The following PIK3C2G variants were observed in gnomAD, a reference collection of about 807,000 sequenced individuals.
The protein encoded by PIK3C2G is phosphatidylinositol 3-kinase C2 domain-containing subunit gamma.
A neutral mutation model predicts 181.1 loss-of-function variants in PIK3C2G; 168 were observed. That is an observed-to-expected ratio of 0.93 (90% CI 0.82 to 1.05). PIK3C2G has a LOEUF of 1.05. Ranked by LOEUF, PIK3C2G falls within the 50% of genes least tolerant of loss-of-function variation. The pLI is 0.00. For synonymous variants in PIK3C2G, 573 were observed against 592.2 expected, an observed-to-expected ratio of 0.97 and a Z score of 0.47; for missense variants, 1,869 against 1,732.8, an observed-to-expected ratio of 1.08 and a Z score of -1.40.
At chr12:18,641,522 C>T (rs2136802288) in intron 32 of PIK3C2G, among the ~76,000 whole-genome samples, 1 of 152,016 alleles carries the variant, frequency 6.6e-6, no homozygotes, top group African/African-American at 2.4e-5. Context: ...ACTTATTTCT[C>T]TACCACTTAT....
In PIK3C2G at chr12:18,322,112, C is replaced by T. The variant is rs149358996; in HGVS notation, c.1208+1080C>T. Among the ~76,000 whole-genome samples the T allele has an allele frequency of 1.5e-3, 232 of 152,226 alleles. 1 individual carries two copies. The highest frequency in any genetic ancestry group is 5.2e-3 in the African/African-American group (214 of 41,528). ...AAAATAAAATAAAATTGGCCAAGTGCGGTGGCTCACGCTTGTAATCCCAGC... is the reference window on the plus strand; with the variant it reads ...AAAATAAAATAAAATTGGCCAAGTGTGGTGGCTCACGCTTGTAATCCCAGC... On this transcript the variant is annotated intron_variant, in intron 7 of 32. Transcript: ENST00000538779.
chr12:18,705,626 G>A, the PIK3C2G span, among the ~76,000 whole-genome samples: 2 of 152,206 alleles, frequency 1.3e-5, no homozygotes, highest in South Asian at 2.1e-4. Context: ...AGCACTTTGG[G>A]AGGCTGAGGC....
At chr12:18,521,157 C>A (rs1481827694) in intron 24 of PIK3C2G, among the ~76,000 whole-genome samples, 2 of 152,068 alleles carry the variant, frequency 1.3e-5, no homozygotes, top group African/African-American at 4.8e-5. Flanking sequence ...GGGGCACTGA[C>A]CTGATGCCAT....
intron 29 of PIK3C2G, among the ~76,000 whole-genome samples, chr12:18,580,455 G>T (rs1946439711): frequency 6.6e-6 from 1 of 152,120 alleles, no homozygotes; most frequent in Non-Finnish European, 1.5e-5. Flanking sequence ...TATGTTTCTT[G>T]TTCCCTGCTT....
chr12:18,628,885 AG>A (rs1407655274), intron 31 of PIK3C2G, among the ~76,000 whole-genome samples: 4 of 152,122 alleles, frequency 2.6e-5, no homozygotes, highest in Non-Finnish European at 2.9e-5. Flanking sequence ...TGAGCCAGAG[AG>A]TTGGAAGCCA....
At chr12:18,575,634 C>T (rs1211682758) in intron 29 of PIK3C2G, among the ~76,000 whole-genome samples, 1 of 152,030 alleles carries the variant, frequency 6.6e-6, no homozygotes, top group Non-Finnish European at 1.5e-5. Context: ...CAACTAATTC[C>T]AAGTGAGGTA....
intron 8 of PIK3C2G, among the ~76,000 whole-genome samples, chr12:18,327,758 T>C (rs1422293868): frequency 6.6e-6 from 1 of 151,770 alleles, no homozygotes; most frequent in Non-Finnish European, 1.5e-5. Context: ...AAGAGAATCC[T>C]CCCCCCCAAG....
chr12:18,650,352 T>C (rs1233890077), downstream of PIK3C2G, among the ~76,000 whole-genome samples: 1 of 89,716 alleles, frequency 1.1e-5, no homozygotes, highest in Non-Finnish European at 2.2e-5. Context: ...TATATATGTG[T>C]GTGTGTGTGT....
chr12:18,710,956 C>T, the PIK3C2G span, among the ~76,000 whole-genome samples: 12 of 151,966 alleles, frequency 7.9e-5, no homozygotes. Context: ...CTAGTTCAAC[C>T]ATTGTGGAAG....
At chr12:18,441,622 G>A (rs1483029867) in intron 18 of PIK3C2G, among the ~76,000 whole-genome samples, 1 of 152,084 alleles carries the variant, frequency 6.6e-6, no homozygotes, top group Non-Finnish European at 1.5e-5. Context: ...GGTGCATGTG[G>A]TGGTAGTTGC....
intron 30 of PIK3C2G, among the ~76,000 whole-genome samples, chr12:18,598,047 C>T (rs1947476247): frequency 6.6e-6 from 1 of 152,074 alleles, no homozygotes. Flanking sequence ...TAGGAAGAAT[C>T]AATATCATGA....
chr12:18,457,880 T>C (rs1397100741), intron 18 of PIK3C2G, among the ~76,000 whole-genome samples: 1 of 152,178 alleles, frequency 6.6e-6, no homozygotes, highest in East Asian at 1.9e-4. Flanking sequence ...CTTGGTATTA[T>C]TTAATTAGAA....
downstream of PIK3C2G, among the ~76,000 whole-genome samples, chr12:18,650,961 A>G (rs1175913863): frequency 6.6e-6 from 1 of 151,428 alleles, no homozygotes; most frequent in Non-Finnish European, 1.5e-5. Context: ...TCTATTCTCA[A>G]CACAGCAATG....
At chr12:18,304,471 G>T (rs565814909) in intron 5 of PIK3C2G, among the ~76,000 whole-genome samples, 1 of 152,122 alleles carries the variant, frequency 6.6e-6, no homozygotes, top group Non-Finnish European at 1.5e-5. Context: ...TGGCCAGGCT[G>T]GTCTCAAATG....
intron 18 of PIK3C2G, among the ~76,000 whole-genome samples, chr12:18,464,011 G>A (rs778063904): frequency 4.0e-5 from 6 of 151,876 alleles, no homozygotes; most frequent in Admixed American, 1.3e-4. Flanking sequence ...ATTACACTTC[G>A]CTGTGTACTG....
intron 31 of PIK3C2G, among the ~76,000 whole-genome samples, chr12:18,624,517 C>G (rs11044220): frequency 0.33 from 50,531 of 151,308 alleles, 8,624 homozygotes; most frequent in Non-Finnish European, 0.37. Context: ...TGATTTTCTT[C>G]TCTCCCTATA....
At chr12:18,263,470 A>G (rs1948339899) in intron 1 of PIK3C2G, among the ~76,000 whole-genome samples, 1 of 152,054 alleles carries the variant, frequency 6.6e-6, no homozygotes, top group African/African-American at 2.4e-5. Flanking sequence ...TTGACTGATC[A>G]CTCTACAAAT....
At chr12:18,494,258 TTCTG>T (rs1940818727) in intron 20 of PIK3C2G, among the ~76,000 whole-genome samples, 3 of 152,176 alleles carry the variant, frequency 2.0e-5, no homozygotes, top group Admixed American at 1.3e-4. Flanking sequence ...AAACCCTTGC[TTCTG>T]TCTATTTGCT....
chr12:18,309,439 T>G (rs201589737), intron 5 of PIK3C2G, among the ~76,000 whole-genome samples: 1 of 56 alleles, frequency 0.018, no homozygotes, highest in Non-Finnish European at 0.025. Flanking sequence ...GTTGTTTTCC[T>G]TAAAAGTGAC....
Sources: gnomAD v4.1 joint callset for allele counts (sites outside exome capture counted in the v4.1 genomes callset) on GRCh38, gnomAD v4.1.1 for gene constraint, MANE v1.5 for transcripts, NCBI Gene and HGNC (gene_info 2026-07-23, HGNC 2026-07-21) for gene names.